Variants in MAPKAP1 observed in about 807,000 individuals in gnomAD.
MAPKAP1 encodes target of rapamycin complex 2 subunit MAPKAP1.
MAPKAP1 carries 20 observed loss-of-function variants against 65.7 expected under a neutral mutation model. The ratio of observed to expected loss-of-function variants is 0.30; its 90% confidence interval spans 0.21 to 0.44. The LOEUF is 0.44. MAPKAP1 is among the 20% of genes least tolerant of loss of function. The pLI, the probability that MAPKAP1 is intolerant of heterozygous loss-of-function variation, is 1.00. For missense variants in MAPKAP1, 423 were observed against 648.0 expected (o/e 0.65, Z 3.77); for synonymous variants, 222 against 244.3 (o/e 0.91, Z 0.85).
At chr9:125,582,958 G>A (rs1158432722) in intron 5 of MAPKAP1, among the ~76,000 whole-genome samples, 1 of 152,166 alleles carries the variant, frequency 6.6e-6, no homozygotes, top group East Asian at 1.9e-4. Flanking sequence ...CCTGAAGCCT[G>A]AGAAAAATCA....
chr9:125,684,592 CAA>C (rs1228454113), intron 1 of MAPKAP1, among the ~76,000 whole-genome samples: 1 of 152,102 alleles, frequency 6.6e-6, no homozygotes, highest in East Asian at 1.9e-4. Flanking sequence ...TAAAAAAGTT[CAA>C]GTCTGTTTTC....
At chr9:125,601,361 T>C (rs1226464091) in intron 4 of MAPKAP1, among the ~76,000 whole-genome samples, 2 of 112,850 alleles carry the variant, frequency 1.8e-5, no homozygotes, top group Non-Finnish European at 4.2e-5. Flanking sequence ...CAATTAAACA[T>C]TATAAAAATT....
At chr9:125,667,046 AAAAG>A (rs1404074268) in intron 3 of MAPKAP1, among the ~76,000 whole-genome samples, 2 of 152,232 alleles carry the variant, frequency 1.3e-5, no homozygotes, top group Non-Finnish European at 2.9e-5. Context: ...TGAGACACAG[AAAAG>A]AGAGAGAAGG....
At chr9:125,517,050 G>A (rs1428842329) in intron 7 of MAPKAP1, among the ~76,000 whole-genome samples, 3 of 152,160 alleles carry the variant, frequency 2.0e-5, no homozygotes, top group African/African-American at 7.2e-5. Flanking sequence ...ACTTTACAGA[G>A]GAGGAAAATA....
chr9:125,620,373 GGC>G (rs1468455418), intron 4 of MAPKAP1, among the ~76,000 whole-genome samples: 3 of 152,192 alleles, frequency 2.0e-5, no homozygotes, highest in Non-Finnish European at 4.4e-5. Context: ...TCTGTGGCAA[GGC>G]TATGGAGAAA....
Position 125,593,291 on chromosome 9 carries a change from G to A in MAPKAP1, c.499-7564C>T, listed in dbSNP as rs190627474. On this transcript the variant is annotated intron_variant, in intron 4 of 11. Transcript: ENST00000265960. ...TGCACTCCAACCTGGGTGACAGAGTGAGACTGTCTCAAAAAAAGAAAAAAA... is the reference window on the plus strand; with the variant it reads ...TGCACTCCAACCTGGGTGACAGAGTAAGACTGTCTCAAAAAAAGAAAAAAA... Among the ~76,000 whole-genome samples the A allele has an allele frequency of 4.9e-3, 742 of 152,122 alleles. 5 individuals are homozygous for A. Among genetic ancestry groups the A allele is most frequent in the African/African-American group, 0.017 (703 of 41,492 alleles).
chr9:125,566,761 GTCTC>G (rs1225829896), intron 5 of MAPKAP1, among the ~76,000 whole-genome samples: 1 of 152,054 alleles, frequency 6.6e-6, no homozygotes, highest in Non-Finnish European at 1.5e-5. Flanking sequence ...TCTTAGGCCT[GTCTC>G]TCTTTTCATT....
chr9:125,484,709 C>T (rs996750964), intron 8 of MAPKAP1, 126 bp from the exon 9 acceptor site: 18 of 877,146 alleles, frequency 2.1e-5, no homozygotes, highest in Middle Eastern at 2.3e-4. Flanking sequence ...AAAGGCTGAG[C>T]GATGACTTAA....
intron 9 of MAPKAP1, among the ~76,000 whole-genome samples, chr9:125,480,790 G>C (rs1326211072): frequency 6.6e-6 from 1 of 151,508 alleles, no homozygotes; most frequent in African/African-American, 2.4e-5. Flanking sequence ...GGCTAACATG[G>C]TGAAACCCCG....
chr9:125,476,087 G>C (rs1034410259), intron 9 of MAPKAP1, among the ~76,000 whole-genome samples: 1 of 152,156 alleles, frequency 6.6e-6, no homozygotes. Flanking sequence ...TTCTCAAAAG[G>C]GTGGCTCTGG....
intron 1 of MAPKAP1, among the ~76,000 whole-genome samples, chr9:125,684,251 G>C (rs1432866737): frequency 6.6e-6 from 1 of 152,132 alleles, no homozygotes; most frequent in Non-Finnish European, 1.5e-5. Flanking sequence ...ATGGAAGCCG[G>C]TTTTTCTTCC....
chr9:125,573,718 C>T (rs1210067272), intron 5 of MAPKAP1, among the ~76,000 whole-genome samples: 1 of 152,114 alleles, frequency 6.6e-6, no homozygotes, highest in African/African-American at 2.4e-5. Flanking sequence ...TTCTTTTGTT[C>T]CCTGACCACA....
At chr9:125,456,072 T>A (rs1358379810) in intron 10 of MAPKAP1, among the ~76,000 whole-genome samples, 1 of 152,262 alleles carries the variant, frequency 6.6e-6, no homozygotes, top group Non-Finnish European at 1.5e-5. Flanking sequence ...CATCATTCCA[T>A]TGTCTTCTGG....
chr9:125,647,551 T>C (rs1185393368), intron 4 of MAPKAP1, among the ~76,000 whole-genome samples: 1 of 152,222 alleles, frequency 6.6e-6, no homozygotes, highest in African/African-American at 2.4e-5. Context: ...CTCTGGTTTG[T>C]TGTTCGTGGT....
In MAPKAP1 at chr9:125,439,874, C is replaced by A. The variant is rs1852418527; in HGVS notation, c.1444-862G>T. Among the ~76,000 whole-genome samples the A allele has an allele frequency of 6.6e-6, 1 of 152,242 alleles. No homozygotes were observed. The highest frequency in any genetic ancestry group is 2.4e-5 in the African/African-American group (1 of 41,468). On this transcript the variant is annotated intron_variant, in intron 11 of 11. Transcript: ENST00000265960. The surrounding 1 kb of genome is among the most constrained non-coding windows in gnomAD (Gnocchi z 4.0). Reference sequence around the variant, plus strand: ...CAGCACTGCAGCAGGCAAAGAGGAGCATCAAGGAATGGGGCTGAGTATCAG... The same window carrying A: ...CAGCACTGCAGCAGGCAAAGAGGAGAATCAAGGAATGGGGCTGAGTATCAG...
At chr9:125,701,637 C>A (rs1311388521) in intron 1 of MAPKAP1, among the ~76,000 whole-genome samples, 1 of 152,190 alleles carries the variant, frequency 6.6e-6, no homozygotes, top group Non-Finnish European at 1.5e-5. Context: ...ATGATTACCC[C>A]CTTTGTAATA....
intron 10 of MAPKAP1, among the ~76,000 whole-genome samples, chr9:125,460,340 T>C (rs1438481121): frequency 6.6e-6 from 1 of 152,122 alleles, no homozygotes; most frequent in African/African-American, 2.4e-5. Flanking sequence ...CTCAAAATGT[T>C]TTCTACTCTA....
chr9:125,624,678 G>C (rs1282110992), intron 4 of MAPKAP1, among the ~76,000 whole-genome samples: 1 of 67,564 alleles, frequency 1.5e-5, no homozygotes, highest in Non-Finnish European at 3.1e-5. Context: ...GCCTCTGCCC[G>C]GCCGCCCCTA....
chr9:125,488,130 C>T (rs7046471), intron 8 of MAPKAP1, among the ~76,000 whole-genome samples: 103,183 of 151,930 alleles, frequency 0.68, 35,184 homozygotes, highest in Middle Eastern at 0.74. Flanking sequence ...TCTCTGATAG[C>T]GTAAATTCAT....
Sources: gnomAD v4.1 joint callset for allele counts (sites outside exome capture counted in the v4.1 genomes callset) on GRCh38, gnomAD v4.1.1 for gene constraint, Gnocchi (gnomAD v3.1) non-coding constraint, MANE v1.5 for transcripts, NCBI Gene and HGNC (gene_info 2026-07-23, HGNC 2026-07-21) for gene names.